The following AFF2 variants were observed in gnomAD, a reference collection of about 807,000 sequenced individuals.
AFF2 encodes the protein AF4/FMR2 family member 2.
AFF2 carries 14 observed loss-of-function variants against 76.9 expected under a neutral mutation model. The ratio of observed to expected loss-of-function variants is 0.18; its 90% CI spans 0.12 to 0.28. The LOEUF is 0.28. Ranked by LOEUF, AFF2 falls within the 10% of genes least tolerant of loss-of-function variation. AFF2 has a pLI of 1.00. For synonymous variants in AFF2, 398 were observed against 366.7 expected, an observed-to-expected ratio of 1.09 and a Z score of -0.98; for missense variants, 868 against 1,001.1, an observed-to-expected ratio of 0.87 and a Z score of 1.79.
chrX:148,704,100 T>C (rs1169987939), intron 3 of AFF2, among the ~76,000 whole-genome samples: 1 of 102,270 alleles, frequency 9.8e-6, no homozygotes, highest in East Asian at 2.9e-4. Context: ...ATTATATATA[T>C]ATTATATATA....
intron 1 of AFF2, among the ~76,000 whole-genome samples, chrX:148,646,959 AG>A (rs55806529): frequency 0.19 from 21,483 of 111,666 alleles, 1,514 homozygotes; most frequent in Non-Finnish European, 0.2. Flanking sequence ...TTAAGTTTGA[AG>A]GTATTGGATA....
intron 1 of AFF2, among the ~76,000 whole-genome samples, chrX:148,592,534 A>G (rs2053533202): frequency 9.0e-6 from 1 of 111,686 alleles, no homozygotes; most frequent in South Asian, 3.7e-4. Flanking sequence ...CTTTTTAATT[A>G]AGATAAATAT....
At chrX:148,730,138 A>G (rs782398423) in intron 3 of AFF2, among the ~76,000 whole-genome samples, 5 of 112,443 alleles carry the variant, frequency 4.4e-5, no homozygotes, top group African/African-American at 1.6e-4. Flanking sequence ...TGATTAAGCA[A>G]TAATCCCTGA....
Position 148,994,222 on chromosome X carries a change from C to T in AFF2, c.*2890C>T, listed in dbSNP as rs782601891. 1 of 112,342 alleles carries T rather than the reference C, an allele frequency of 8.9e-6. No homozygotes were observed. The highest frequency in any genetic ancestry group is 3.8e-4 in the South Asian group (1 of 2,653). The allele number at this position is 112,342 out of a possible 1,213,427, so 9.3% of individuals were successfully genotyped here. A position where few individuals can be genotyped will look rare whatever the true frequency, so the allele number is the denominator to read the frequency against. ...AGGTAGGGCCACCACTACGCCTTCACTTGTCACCCAAGCTCCAACCACAGA... is the reference window on the plus strand; with the variant it reads ...AGGTAGGGCCACCACTACGCCTTCATTTGTCACCCAAGCTCCAACCACAGA... On this transcript the variant is annotated 3_prime_UTR_variant, in exon 21 of 21. Transcript: ENST00000370460.
chrX:148,765,119 C>T, intron 3 of AFF2, among the ~76,000 whole-genome samples: 1 of 111,991 alleles, frequency 8.9e-6, no homozygotes, highest in South Asian at 3.7e-4. Flanking sequence ...CTCCTGGGCC[C>T]GAGCGATCCT....
In AFF2 at chrX:148,607,047, C is replaced by T. The variant is rs542664590; in HGVS notation, c.48-44952C>T. 2.1e-4 allele frequency among the ~76,000 whole-genome samples: 23 copies of T among 110,889 alleles called. 1 individual carries two copies. The South Asian group carries it at 6.8e-3, about 33-fold the overall frequency. ...CATGCAACATGTTTAGGGTCATAGACGACAAGATGTAAAGCAAGAAAATTG... is the reference window on the plus strand; with the variant it reads ...CATGCAACATGTTTAGGGTCATAGATGACAAGATGTAAAGCAAGAAAATTG... On this transcript the variant is annotated intron_variant, in intron 1 of 20. Transcript: ENST00000370460.
chrX:148,903,560 G>A (rs1449134025), intron 8 of AFF2, among the ~76,000 whole-genome samples: 2 of 112,065 alleles, frequency 1.8e-5, no homozygotes, highest in Non-Finnish European at 3.8e-5. Flanking sequence ...CTGGAACCGG[G>A]CTCCATGTCT....
intron 1 of AFF2, among the ~76,000 whole-genome samples, chrX:148,514,154 C>T (rs1234346077): frequency 9.0e-6 from 1 of 111,508 alleles, no homozygotes; most frequent in Non-Finnish European, 1.9e-5. Flanking sequence ...GATAGGCACG[C>T]ATTTGTTTAA....
At chrX:148,920,629 T>C (rs376216799) in intron 9 of AFF2, among the ~76,000 whole-genome samples, 1 of 26,728 alleles carries the variant, frequency 3.7e-5, no homozygotes, top group East Asian at 2.4e-3. Flanking sequence ...TGCGTGTGTG[T>C]GCGCGTGTGT....
chrX:148,562,700 C>T (rs1401294442), intron 1 of AFF2, among the ~76,000 whole-genome samples: 1 of 111,679 alleles, frequency 9.0e-6, no homozygotes, highest in Non-Finnish European at 1.9e-5. Context: ...ATTGTTATTC[C>T]CAAGAATAAT....
Position 148,791,225 on chromosome X carries a change from G to A in AFF2, c.1042-18651G>A, listed in dbSNP as rs782561308. On this transcript the variant is annotated intron_variant, in intron 3 of 20. Coordinates refer to ENST00000370460, the MANE Select transcript of AFF2 (RefSeq NM_002025.4). ...AACTGGGTAATTTATAAAGGAAAGAGGTTTAATTGACTCACAGCACCACAT... is the reference window on the plus strand; with the variant it reads ...AACTGGGTAATTTATAAAGGAAAGAAGTTTAATTGACTCACAGCACCACAT... Among the ~76,000 whole-genome samples the A allele has an allele frequency of 1.1e-4, 12 of 112,159 alleles. No individual in the cohort carries two copies. In the South Asian group the frequency reaches 4.5e-3, roughly 42 times the overall value.
intron 3 of AFF2, among the ~76,000 whole-genome samples, chrX:148,722,524 T>C (rs2055107044): frequency 9.0e-6 from 1 of 110,797 alleles, no homozygotes; most frequent in African/African-American, 3.3e-5. Flanking sequence ...CACTGTAGGC[T>C]GTCAAGCTGG....
chrX:148,945,506 T>C (rs1466433570), intron 9 of AFF2, among the ~76,000 whole-genome samples: 1 of 112,157 alleles, frequency 8.9e-6, no homozygotes, highest in Non-Finnish European at 1.9e-5. Flanking sequence ...CCCATGTAGA[T>C]ATTAGCCTTG....
rs1293639107 is a variant in AFF2 at position 148,994,352 on chromosome X, G to T, written c.*3020G>T. 8.9e-6 allele frequency: 1 copy of T among 112,183 alleles called. No individual in the cohort carries two copies. Among genetic ancestry groups the T allele is most frequent in the African/African-American group, 3.3e-5 (1 of 30,760 alleles). The allele number at this position is 112,183 out of a possible 1,213,427, so 9.2% of individuals were successfully genotyped here. A position where few individuals can be genotyped will look rare whatever the true frequency, so the allele number is the denominator to read the frequency against. On this transcript the variant is annotated 3_prime_UTR_variant, in exon 21 of 21. Coordinates refer to ENST00000370460, the MANE Select transcript of AFF2 (RefSeq NM_002025.4). ...ATAACTGTCTGAGTTTGGTAGGTAG[G>T]ATTACTTTGAAAAGGGTTTACTAGT...
chrX:148,614,303 G>T (rs1557249876), intron 1 of AFF2, among the ~76,000 whole-genome samples: 1 of 111,803 alleles, frequency 8.9e-6, no homozygotes, highest in African/African-American at 3.2e-5. Flanking sequence ...TTGCATTGTT[G>T]TAGGTGGAAA....
intron 7 of AFF2, among the ~76,000 whole-genome samples, chrX:148,881,951 T>A (rs1557278535): frequency 1.8e-5 from 2 of 111,122 alleles, no homozygotes; most frequent in African/African-American, 6.6e-5. Context: ...TAAAAAAAAA[T>A]CCGTTAGGAA....
chrX:148,726,456 G>A (rs781869924), intron 3 of AFF2, among the ~76,000 whole-genome samples: 2 of 111,804 alleles, frequency 1.8e-5, no homozygotes, highest in South Asian at 3.7e-4. Context: ...GACTTCAGCC[G>A]AAGACCAACC....
At chrX:148,600,866 T>G (rs781884873) in intron 1 of AFF2, among the ~76,000 whole-genome samples, 7 of 112,246 alleles carry the variant, frequency 6.2e-5, no homozygotes, top group Non-Finnish European at 1.3e-4. Flanking sequence ...TTGGAAATAT[T>G]TTAAAAGTGT....
chrX:148,666,358 G>A (rs782170396), intron 3 of AFF2, among the ~76,000 whole-genome samples: 1 of 111,139 alleles, frequency 9.0e-6, no homozygotes, highest in East Asian at 2.8e-4. Flanking sequence ...AGGTTGAGAT[G>A]GGCGGATCAT....
Sources: allele counts gnomAD v4.1 joint callset (sites outside exome capture counted in the v4.1 genomes callset), GRCh38; gene constraint gnomAD v4.1.1; transcripts MANE v1.5; gene names NCBI Gene and HGNC (gene_info 2026-07-23, HGNC 2026-07-21).